STK24: variants seen among roughly 807,000 people sequenced by gnomAD.
The protein encoded by STK24 is serine/threonine-protein kinase 24.
Under a neutral mutation model 55.6 loss-of-function variants are expected in STK24, and 21 were observed. The observed-to-expected ratio is 0.38, with a 90% CI of 0.27 to 0.54. The LOEUF is 0.54. Ranked by LOEUF, STK24 falls within the 20% of genes least tolerant of loss-of-function variation. STK24 has a pLI of 0.79. For synonymous variants in STK24, 200 were observed against 215.2 expected, an observed-to-expected ratio of 0.93 and a Z score of 0.62; for missense variants, 383 against 538.4, an observed-to-expected ratio of 0.71 and a Z score of 2.86.
chr13:98,475,931 A>C (rs2139289465), intron 3 of STK24, among the ~76,000 whole-genome samples: 1 of 152,318 alleles, frequency 6.6e-6, no homozygotes, highest in South Asian at 2.1e-4. Flanking sequence ...TCCTTGTATT[A>C]GAATTTTTTA....
intron 1 of STK24, among the ~76,000 whole-genome samples, chr13:98,535,699 G>C (rs1039412584): frequency 6.6e-6 from 1 of 152,030 alleles, no homozygotes; most frequent in Non-Finnish European, 1.5e-5. Context: ...GAGACAATTC[G>C]GGCACAGATC....
intron 2 of STK24, among the ~76,000 whole-genome samples, chr13:98,505,466 A>C (rs940967598): frequency 6.6e-6 from 1 of 152,276 alleles, no homozygotes; most frequent in Non-Finnish European, 1.5e-5. Context: ...GCAGATGATT[A>C]GCTTCTGTAA....
chr13:98,551,312 C>G (rs1047750334), intron 1 of STK24, among the ~76,000 whole-genome samples: 1 of 151,530 alleles, frequency 6.6e-6, no homozygotes, highest in African/African-American at 2.4e-5. Context: ...CAAGACTTAT[C>G]TACGTTTCCC....
At chr13:98,483,436 C>T (rs887569804) in intron 2 of STK24, among the ~76,000 whole-genome samples, 2 of 152,130 alleles carry the variant, frequency 1.3e-5, no homozygotes, top group African/African-American at 4.8e-5. Context: ...CTCTTTGGTC[C>T]CTTTGGGAGA....
rs147970162 is a variant in STK24 at position 98,448,248 on chromosome 13, G to A, written c.*4925C>T. 1.9e-6 allele frequency: 3 copies of A among 1,613,876 alleles called. No individual in the cohort carries two copies. Among genetic ancestry groups the A allele is most frequent in the Admixed American group, 1.7e-5 (1 of 60,012 alleles). On this transcript the variant is annotated 3_prime_UTR_variant, in exon 11 of 11. Transcript: ENST00000539966. Reference sequence around the variant, plus strand: ...TCCCGTGTTGCAGGTGGATGGAAGTGATCCGCAGTGCCACCAGCTCTGCCT... The same window carrying A: ...TCCCGTGTTGCAGGTGGATGGAAGTAATCCGCAGTGCCACCAGCTCTGCCT...
chr13:98,503,195 C>T (rs1239599947), intron 2 of STK24, among the ~76,000 whole-genome samples: 5 of 151,698 alleles, frequency 3.3e-5, no homozygotes, highest in Non-Finnish European at 7.4e-5. Flanking sequence ...AACACAACTC[C>T]GCACACTTGT....
chr13:98,457,235 G>C lies in STK24; in HGVS notation c.1192C>G (p.Leu398Val). 6.2e-7 allele frequency: 1 copy of C among 1,613,536 alleles called. No homozygotes were observed. Among genetic ancestry groups the C allele is most frequent in the Non-Finnish European group, 8.5e-7 (1 of 1,180,030 alleles). Reference sequence around the variant, plus strand: ...ATGCCAGGGCACGCCTCCTCCGCTAGGTAGATGGCCCCTCGCAGCTCTTCA... The same window carrying C: ...ATGCCAGGGCACGCCTCCTCCGCTACGTAGATGGCCCCTCGCAGCTCTTCA... Reference protein sequence around the residue: ...SIEELRGAIYLAEEACPGISD... With the variant: ...SIEELRGAIYVAEEACPGISD... The change falls in exon 10 of 11, where the codon CTA becomes GTA. Residue 398 changes from leucine (L) to valine (V), a missense_variant. Leu to Val is a conservative substitution (Grantham distance 32). Coordinates refer to ENST00000539966, the MANE Select transcript of STK24 (RefSeq NM_001032296.4).
chr13:98,517,623 C>T (rs1158783962), intron 2 of STK24, among the ~76,000 whole-genome samples: 3 of 152,138 alleles, frequency 2.0e-5, no homozygotes, highest in Non-Finnish European at 4.4e-5. Flanking sequence ...CAGCACGACT[C>T]CATCTCATTA....
intron 2 of STK24, among the ~76,000 whole-genome samples, chr13:98,507,862 T>C (rs1433019486): frequency 1.3e-5 from 2 of 152,286 alleles, no homozygotes; most frequent in East Asian, 3.9e-4. Context: ...GCTTCTTTTA[T>C]GACACTTCCC....
At chr13:98,459,829 T>C (rs1893625094) in intron 9 of STK24, among the ~76,000 whole-genome samples, 1 of 152,224 alleles carries the variant, frequency 6.6e-6, no homozygotes, top group Non-Finnish European at 1.5e-5. Flanking sequence ...TTCATTCTTA[T>C]AAAGCCTACT....
intron 2 of STK24, among the ~76,000 whole-genome samples, chr13:98,517,113 A>G (rs546470609): frequency 2.2e-4 from 34 of 152,374 alleles, no homozygotes; most frequent in African/African-American, 5.8e-4. Context: ...GTTAAATATT[A>G]GCTGGTATAA....
At chr13:98,520,890 C>G (rs1896238275) in intron 1 of STK24, among the ~76,000 whole-genome samples, 1 of 152,372 alleles carries the variant, frequency 6.6e-6, no homozygotes, top group East Asian at 1.9e-4. Context: ...GCGCAGAGCC[C>G]CTGCCCCATG....
Position 98,446,044 on chromosome 13 carries a change from G to A in STK24, c.*7129C>T, listed in dbSNP as rs1259857314. 2 of 1,226,474 alleles carry A rather than the reference G, an allele frequency of 1.6e-6. No homozygotes were observed. Among genetic ancestry groups the A allele is most frequent in the Non-Finnish European group, 1.2e-6 (1 of 831,750 alleles). The allele number at this position is 1,226,474 out of a possible 1,614,324, so 76.0% of individuals were successfully genotyped here. A position where few individuals can be genotyped will look rare whatever the true frequency, so the allele number is the denominator to read the frequency against. On this transcript the variant is annotated 3_prime_UTR_variant, in exon 11 of 11. Transcript: ENST00000539966. ...TGGTGCAGGGAGAGCTGCTCTCTGT[G>A]CCCTCCTGGGGCAGGTGCCCGCTGT...
intron 2 of STK24, among the ~76,000 whole-genome samples, chr13:98,489,242 T>G (rs1012637270): frequency 6.6e-6 from 1 of 152,212 alleles, no homozygotes; most frequent in East Asian, 1.9e-4. Context: ...ACTCATCAAC[T>G]TGAACCACTA....
At chr13:98,555,329 C>A (rs1185403202) in intron 1 of STK24, among the ~76,000 whole-genome samples, 4 of 152,166 alleles carry the variant, frequency 2.6e-5, no homozygotes, top group African/African-American at 9.7e-5. Context: ...CGCCTGTAAT[C>A]CCAGCTCTTT....
chr13:98,570,335 C>T (rs1897707263), intron 1 of STK24, among the ~76,000 whole-genome samples: 1 of 152,136 alleles, frequency 6.6e-6, no homozygotes, highest in African/African-American at 2.4e-5. Flanking sequence ...TTAGACATTT[C>T]TAAATAGAAA....
chr13:98,489,456 A>G (rs1042362449), intron 2 of STK24, among the ~76,000 whole-genome samples: 1 of 152,204 alleles, frequency 6.6e-6, no homozygotes, highest in African/African-American at 2.4e-5. Context: ...CATCTAACAC[A>G]TAACATACCT....
intron 1 of STK24, among the ~76,000 whole-genome samples, chr13:98,552,306 G>A (rs1897177327): frequency 1.3e-5 from 2 of 152,162 alleles, no homozygotes; most frequent in Non-Finnish European, 2.9e-5. Flanking sequence ...GGGAAGGGAC[G>A]CAGACCCTGG....
At chr13:98,542,732 G>C (rs1328802446) in intron 1 of STK24, 1 of 679,404 alleles carries the variant, frequency 1.5e-6, no homozygotes, top group Non-Finnish European at 1.8e-6. Context: ...TGAAAGTGAC[G>C]GGAAGCAAAG....
Sources: gnomAD v4.1 joint callset for allele counts (sites outside exome capture counted in the v4.1 genomes callset) on GRCh38, gnomAD v4.1.1 for gene constraint, MANE v1.5 for transcripts, NCBI Gene and HGNC (gene_info 2026-07-23, HGNC 2026-07-21) for gene names.